The following SLC5A10 variants were observed in gnomAD, a reference collection of about 807,000 sequenced individuals.
SLC5A10 encodes sodium/mannose cotransporter SLC5A10.
SLC5A10 carries 55 observed loss-of-function variants against 68.9 expected under a neutral mutation model. The ratio of observed to expected loss-of-function variants is 0.80; its 90% CI spans 0.64 to 1.00. The LOEUF (loss-of-function observed/expected upper bound fraction) is 1.00, where lower values mean the gene tolerates loss of function less well. Ranked by LOEUF, SLC5A10 falls within the 50% of genes least tolerant of loss-of-function variation. The probability of loss-of-function intolerance (pLI) is 0.00; values close to 1 mark genes in which losing one functional copy is unlikely to be tolerated. For synonymous variants in SLC5A10, 344 were observed against 344.8 expected (o/e 1.00, Z 0.02); for missense variants, 732 against 819.3 (o/e 0.89, Z 1.30).
intron 9 of SLC5A10, among the ~76,000 whole-genome samples, chr17:18,989,826 G>T (rs1032484599): frequency 7.2e-5 from 11 of 152,368 alleles, no homozygotes; most frequent in African/African-American, 2.6e-4. Flanking sequence ...AGGTTGTAAG[G>T]CTTGTTGGAT....
At chr17:18,963,206 A>G (rs918592052) in intron 5 of SLC5A10, among the ~76,000 whole-genome samples, 2 of 152,206 alleles carry the variant, frequency 1.3e-5, no homozygotes, top group Non-Finnish European at 2.9e-5. Flanking sequence ...GGAAGAGTTC[A>G]GTGAAGTGGG....
chr17:18,963,673 G>T (rs972047250), intron 5 of SLC5A10, among the ~76,000 whole-genome samples: 1 of 152,240 alleles, frequency 6.6e-6, no homozygotes, highest in Non-Finnish European at 1.5e-5. Flanking sequence ...CCCAGCCACT[G>T]CCCGTGTGGA....
chr17:18,978,449 T>C (rs756526585), intron 9 of SLC5A10: 35 of 1,605,288 alleles, frequency 2.2e-5, no homozygotes, highest in Non-Finnish European at 2.8e-5. Context: ...CTCAAACATG[T>C]TGGCCCTCTC....
rs1418124622 is a variant in SLC5A10 at position 18,958,613 on chromosome 17, C to T, written c.112-69C>T. Reference sequence around the variant, plus strand: ...GTAACCTTTTGAGGAGCTGCCAAGCCGTTTCCCATTCGACTTCCCAGCAGC... The same window carrying T: ...GTAACCTTTTGAGGAGCTGCCAAGCTGTTTCCCATTCGACTTCCCAGCAGC... On this transcript the variant is annotated intron_variant, in intron 1 of 14. Coordinates refer to ENST00000395645, the MANE Select transcript of SLC5A10 (RefSeq NM_001042450.4). The T allele has an allele frequency of 2.3e-5, 32 of 1,407,994 alleles. No homozygotes were observed. The Admixed American group carries it at 3.1e-4, about 13-fold the overall frequency. 87.2% of individuals were successfully genotyped at this position (1,407,994 alleles called of 1,614,324 possible). A position where few individuals can be genotyped will look rare whatever the true frequency, so the allele number is the denominator to read the frequency against.
chr17:19,022,284 T>A lies in SLC5A10; in HGVS notation c.*1853T>A. The A allele has an allele frequency of 4.0e-6, 2 of 505,176 alleles. No individual in the cohort carries two copies. The highest frequency in any genetic ancestry group is 3.6e-6 in the Non-Finnish European group (1 of 280,416). 31.3% of individuals were successfully genotyped at this position (505,176 alleles called of 1,614,324 possible). A position where few individuals can be genotyped will look rare whatever the true frequency, so the allele number is the denominator to read the frequency against. ...ACCGGAGTTGAACTTTAAGTCCAGA[T>A]CAATGGTAGTGCCACCACTGGGCCT... On this transcript the variant is annotated 3_prime_UTR_variant, in exon 15 of 15. Transcript: ENST00000395645.
chr17:18,960,062 G>T (rs535372146), intron 4 of SLC5A10, among the ~76,000 whole-genome samples: 12 of 152,034 alleles, frequency 7.9e-5, no homozygotes, highest in Non-Finnish European at 1.8e-4. Context: ...GGCACACCTG[G>T]GCCGCACAAT....
intron 9 of SLC5A10, chr17:18,986,266 A>G: frequency 6.6e-6 from 1 of 152,276 alleles, no homozygotes; most frequent in South Asian, 2.1e-4. Context: ...TGGGAGTGCT[A>G]GAAGATTGGT....
Position 19,021,910 on chromosome 17 carries a change from C to T in SLC5A10, c.*1479C>T. Reference sequence around the variant, plus strand: ...TGGGGGTGTCCATGTCCTCTCTGGACCTCAGTTCCTGTAAAAAGGCCCGTT... The same window carrying T: ...TGGGGGTGTCCATGTCCTCTCTGGATCTCAGTTCCTGTAAAAAGGCCCGTT... On this transcript the variant is annotated 3_prime_UTR_variant, in exon 15 of 15. Coordinates refer to ENST00000395645, the MANE Select transcript of SLC5A10 (RefSeq NM_001042450.4). This position sits in a 1 kb window ranked among gnomAD's most constrained non-coding sequence, Gnocchi z 4.1. 2 of 1,447,762 alleles carry T rather than the reference C, an allele frequency of 1.4e-6. No homozygotes were observed. The highest frequency in any genetic ancestry group is 1.8e-6 in the Non-Finnish European group (2 of 1,099,432). 89.7% of individuals were successfully genotyped at this position (1,447,762 alleles called of 1,614,324 possible). A position where few individuals can be genotyped will look rare whatever the true frequency, so the allele number is the denominator to read the frequency against.
chr17:18,983,522 G>C (rs1261778438), intron 9 of SLC5A10, among the ~76,000 whole-genome samples: 1 of 152,256 alleles, frequency 6.6e-6, no homozygotes, highest in African/African-American at 2.4e-5. Flanking sequence ...AGGCCCGGTA[G>C]AGCAGTGGGG....
At chr17:19,011,683 G>C (rs951693451) in intron 9 of SLC5A10, among the ~76,000 whole-genome samples, 2 of 152,056 alleles carry the variant, frequency 1.3e-5, no homozygotes, top group African/African-American at 4.8e-5. Flanking sequence ...AATGGGAGGA[G>C]CCAGGGAGGT....
chr17:18,976,961 G>T lies in SLC5A10; in HGVS notation c.954G>T (p.Pro318=). The T allele has an allele frequency of 6.2e-7, 1 of 1,613,008 alleles. No individual in the cohort carries two copies. The highest frequency in any genetic ancestry group is 8.5e-7 in the Non-Finnish European group (1 of 1,179,804). Residue 318 remains proline, a synonymous_variant, in exon 9 of 15, where the codon CCG becomes CCT. Transcript: ENST00000395645. ...TCCCCATGGGCCTGATCATCATGCC[G>T]GGCATGATCAGCCGCGCATTGTTCC... ...KMLPMGLIIM[P]GMISRALFPD...
chr17:18,976,662 G>T, intron 8 of SLC5A10, 192 bp from the exon 9 acceptor site: 2 of 662,024 alleles, frequency 3.0e-6, no homozygotes, highest in Non-Finnish European at 5.0e-6. Context: ...CTCGCTGCTT[G>T]GCCTGCTGAA....
At chr17:18,987,413 G>A (rs996378936) in intron 9 of SLC5A10, among the ~76,000 whole-genome samples, 2 of 152,194 alleles carry the variant, frequency 1.3e-5, no homozygotes, top group African/African-American at 2.4e-5. Flanking sequence ...AGAAGTATTC[G>A]CCGTCATCAC....
chr17:18,979,629 C>T (rs1414543380), intron 9 of SLC5A10: 2 of 1,613,444 alleles, frequency 1.2e-6, no homozygotes, highest in Middle Eastern at 1.6e-4. Flanking sequence ...TGGTTGCCGA[C>T]CGCGTGAAGA....
chr17:18,959,129 C>T lies in SLC5A10; in HGVS notation c.184-6C>T. 2 of 1,607,834 alleles carry T rather than the reference C, an allele frequency of 1.2e-6. No homozygotes were observed. Among genetic ancestry groups the T allele is most frequent in the Non-Finnish European group, 1.7e-6 (2 of 1,175,094 alleles). On this transcript the variant is annotated splice_polypyrimidine_tract_variant and splice_region_variant and intron_variant, in intron 2 of 14. Transcript: ENST00000395645. ...CTGCTGATGCGTTTCCCTTTCTCTCCTCCAGATTGGAGCCTCCCTCTTCGC... is the reference window on the plus strand; with the variant it reads ...CTGCTGATGCGTTTCCCTTTCTCTCTTCCAGATTGGAGCCTCCCTCTTCGC...
chr17:19,015,197 A>ACGGTACAGGGGTGGGGGC lies in SLC5A10; in HGVS notation c.1241+4_1241+5insAGGGGTGGGGGCCGGTAC, dbSNP rs1555580919. The ACGGTACAGGGGTGGGGGC allele has an allele frequency of 1.9e-5, 17 of 908,234 alleles. No individual in the cohort carries two copies. The highest frequency in any genetic ancestry group is 2.5e-5 in the Non-Finnish European group (15 of 594,308). The allele number at this position is 908,234 out of a possible 1,614,324, so 56.3% of individuals were successfully genotyped here. On this transcript the variant is annotated inframe_insertion and splice_region_variant, in exon 11 of 15. Transcript: ENST00000395645. Reference sequence around the variant, plus strand: ...GCGAGCGGGAGCTCCTGCTGGTGGGACGGTACGGGGGTGGGGGCCAGTACG... The same window carrying ACGGTACAGGGGTGGGGGC: ...GCGAGCGGGAGCTCCTGCTGGTGGGACGGTACAGGGGTGGGGGCCGGTACGGGGGTGGGGGCCAGTACG...
chr17:19,020,367 T>A lies in SLC5A10; in HGVS notation c.1727T>A (p.Val576Asp), dbSNP rs781627802. ...CAGAAACACGCCTTCTGGGCCCGTG[T>A]CTGTGGCTTCAATGCCATCCTCCTC... ...TPQKHAFWARVCGFNAILLMC... is the reference protein window; with the variant it reads ...TPQKHAFWARDCGFNAILLMC... The change falls in exon 15 of 15, where the codon GTC becomes GAC. Residue 576 changes from valine to aspartate, a missense_variant. By Grantham distance (152) the Val-to-Asp change is radical. Coordinates refer to ENST00000395645, the MANE Select transcript of SLC5A10 (RefSeq NM_001042450.4). 1.2e-6 allele frequency: 2 copies of A among 1,614,152 alleles called. No homozygotes were observed. Among genetic ancestry groups the A allele is most frequent in the South Asian group, 2.2e-5 (2 of 91,084 alleles).
rs140239868 is a variant in SLC5A10, at chr17:18,962,834, C to T, written c.453+2182C>T. On this transcript the variant is annotated intron_variant, in intron 5 of 14. Transcript: ENST00000395645. ...AGCCATGGGCACAGGGTTCTCTGCCCCCTGTTTCACCCTGCTGGCTTCTCT... is the reference window on the plus strand; with the variant it reads ...AGCCATGGGCACAGGGTTCTCTGCCTCCTGTTTCACCCTGCTGGCTTCTCT... 7.9e-5 allele frequency among the ~76,000 whole-genome samples: 12 copies of T among 152,210 alleles called. No homozygotes were observed. In the East Asian group the frequency reaches 2.3e-3, roughly 29 times the overall value.
At chr17:18,973,872 ATTTTTTTTTAAG>A (rs2042914048) in intron 8 of SLC5A10, among the ~76,000 whole-genome samples, 1 of 73,224 alleles carries the variant, frequency 1.4e-5, no homozygotes, top group Non-Finnish European at 2.9e-5. Flanking sequence ...TAATTTTTGT[ATTTTTTTTTAAG>A]TTTTTTTTTT....
Sources: allele counts gnomAD v4.1 joint callset (sites outside exome capture counted in the v4.1 genomes callset), GRCh38; gene constraint gnomAD v4.1.1; non-coding constraint Gnocchi (gnomAD v3.1); transcripts MANE v1.5; gene names NCBI Gene and HGNC (gene_info 2026-07-23, HGNC 2026-07-21).